The following DIRAS2 variants were observed in gnomAD, a reference collection of about 807,000 sequenced individuals.
The protein encoded by DIRAS2 is DIRAS family GTPase 2.
A neutral mutation model predicts 13.9 loss-of-function variants in DIRAS2; 5 were observed. The ratio of observed to expected loss-of-function variants is 0.36; its 90% confidence interval spans 0.19 to 0.76. The LOEUF (loss-of-function observed/expected upper bound fraction) is 0.76. DIRAS2 is among the 30% of genes least tolerant of loss of function. The pLI, the probability that DIRAS2 is intolerant of heterozygous loss-of-function variation, is 0.53. For missense variants in DIRAS2, 191 were observed against 263.0 expected (o/e 0.73, Z 1.89); for synonymous variants, 111 against 105.4 (o/e 1.05, Z -0.33).
Position 90,612,245 on chromosome 9 carries a change from C to T in DIRAS2, c.*983G>A, listed in dbSNP as rs1335916428. The stretch of plus-strand genomic sequence containing the variant: ...GTGTGGCATATACATGTTTGTGACA[C>T]TACAAAAATGGATGTGCTTCTGGTT... On this transcript the variant is annotated 3_prime_UTR_variant, in exon 2 of 2. Transcript: ENST00000375765. The T allele has an allele frequency of 6.6e-6, 1 of 152,584 alleles. No individual in the cohort carries two copies. Among genetic ancestry groups the T allele is most frequent in the Non-Finnish European group, 1.5e-5 (1 of 68,036 alleles). The allele number at this position is 152,584 out of a possible 1,614,324, so 9.5% of individuals were successfully genotyped here.
chr9:90,637,677 A>T (rs910137286), intron 1 of DIRAS2, among the ~76,000 whole-genome samples: 1 of 152,156 alleles, frequency 6.6e-6, no homozygotes, highest in African/African-American at 2.4e-5. Flanking sequence ...AGTGATTGGT[A>T]TTTGTATCTT....
intron 1 of DIRAS2, among the ~76,000 whole-genome samples, chr9:90,633,037 C>T (rs754714524): frequency 5.9e-5 from 9 of 151,620 alleles, no homozygotes; most frequent in African/African-American, 1.2e-4. Context: ...GGAGACAGCA[C>T]GGAGCCTTTC....
At chr9:90,632,303 C>T (rs1368640777) in intron 1 of DIRAS2, among the ~76,000 whole-genome samples, 2 of 152,218 alleles carry the variant, frequency 1.3e-5, no homozygotes, top group Non-Finnish European at 2.9e-5. Context: ...ATTCCAGCCA[C>T]ACTATATCCT....
At chr9:90,629,534 A>AC (rs1419145188) in intron 1 of DIRAS2, among the ~76,000 whole-genome samples, 12 of 152,036 alleles carry the variant, frequency 7.9e-5, no homozygotes, top group Admixed American at 2.0e-4. Context: ...TATAGAAAAA[A>AC]AAAAAACTGC....
chr9:90,630,608 A>G (rs497353), intron 1 of DIRAS2, among the ~76,000 whole-genome samples: 32,074 of 152,206 alleles, frequency 0.21, 3,845 homozygotes, highest in East Asian at 0.33. Flanking sequence ...TCTATCACAC[A>G]ATGGTTTGCT....
rs538982015 is a variant in DIRAS2 at position 90,628,083 on chromosome 9, C to CAAAACA, written c.-36-14226_-36-14221dup. On this transcript the variant is annotated intron_variant, in intron 1 of 1. Coordinates refer to ENST00000375765, the MANE Select transcript of DIRAS2 (RefSeq NM_017594.5). ...GTCTCATCTAATCCAACAAGATGAA[C>CAAAACA]AAAACAAAACTAATATCTTGAGAAG... is the stretch of plus-strand genomic sequence containing the variant. 6.9e-4 allele frequency among the ~76,000 whole-genome samples: 105 copies of CAAAACA among 151,668 alleles called. 2 individuals are homozygous for CAAAACA. The South Asian group carries it at 0.022, about 32-fold the overall frequency.
At chr9:90,618,283 G>GT (rs2118546682) in intron 1 of DIRAS2, among the ~76,000 whole-genome samples, 1 of 152,260 alleles carries the variant, frequency 6.6e-6, no homozygotes, top group East Asian at 1.9e-4. Context: ...ACAGTCAATT[G>GT]TTTTTTGACA....
chr9:90,624,235 A>G (rs543384729), intron 1 of DIRAS2, among the ~76,000 whole-genome samples: 42 of 152,368 alleles, frequency 2.8e-4, no homozygotes, highest in African/African-American at 9.1e-4. Flanking sequence ...GTACTTTTAT[A>G]TATTTTTAGA....
In DIRAS2 at chr9:90,611,126, T is replaced by C. The variant is rs1825108847; in HGVS notation, c.*2102A>G. ...ATACCCAAATTAAAACTTGATCATC[T>C]CTCTCTCAGAATAGAAACAGAAAAA... is the stretch of plus-strand genomic sequence containing the variant. On this transcript the variant is annotated 3_prime_UTR_variant, in exon 2 of 2. Coordinates refer to ENST00000375765, the MANE Select transcript of DIRAS2 (RefSeq NM_017594.5). 1.3e-5 allele frequency: 2 copies of C among 152,068 alleles called. No homozygotes were observed. Among genetic ancestry groups the C allele is most frequent in the Non-Finnish European group, 2.9e-5 (2 of 68,036 alleles). The allele number at this position is 152,068 out of a possible 1,614,324, so 9.4% of individuals were successfully genotyped here.
At chr9:90,630,508 A>G (rs766700278) in intron 1 of DIRAS2, among the ~76,000 whole-genome samples, 3 of 152,192 alleles carry the variant, frequency 2.0e-5, no homozygotes, top group Non-Finnish European at 4.4e-5. Flanking sequence ...TGGATATGTT[A>G]TTTTTCATTT....
At chr9:90,619,296 A>G (rs111408297) in intron 1 of DIRAS2, among the ~76,000 whole-genome samples, 9,687 of 151,990 alleles carry the variant, frequency 0.064, 356 homozygotes, top group Admixed American at 0.077. Context: ...AAAAAAAATT[A>G]GCCAGGTATG....
At chr9:90,619,648 A>T (rs186543237) in intron 1 of DIRAS2, among the ~76,000 whole-genome samples, 1 of 152,326 alleles carries the variant, frequency 6.6e-6, no homozygotes, top group African/African-American at 2.4e-5. Flanking sequence ...GCAGTTCCTC[A>T]AAAGGTTAAA....
chr9:90,619,302 G>A (rs1825197781), intron 1 of DIRAS2, among the ~76,000 whole-genome samples: 2 of 151,940 alleles, frequency 1.3e-5, no homozygotes, highest in Non-Finnish European at 2.9e-5. Context: ...AATTAGCCAG[G>A]TATGGTGGCA....
chr9:90,624,775 G>A (rs538091268), intron 1 of DIRAS2, among the ~76,000 whole-genome samples: 13 of 151,714 alleles, frequency 8.6e-5, no homozygotes, highest in Middle Eastern at 3.4e-3. Context: ...GCAATGGCGC[G>A]ATCTCAGCTC....
At chr9:90,627,917 G>T (rs1825287114) in intron 1 of DIRAS2, among the ~76,000 whole-genome samples, 1 of 152,074 alleles carries the variant, frequency 6.6e-6, no homozygotes. Context: ...TGCATGCCGG[G>T]CTTAACACCT....
intron 1 of DIRAS2, among the ~76,000 whole-genome samples, chr9:90,614,395 T>C (rs1825147518): frequency 6.6e-6 from 1 of 151,628 alleles, no homozygotes; most frequent in Admixed American, 6.6e-5. Context: ...GAAAAGGATG[T>C]TCTAATATTT....
At chr9:90,618,138 G>C (rs1825186083) in intron 1 of DIRAS2, among the ~76,000 whole-genome samples, 1 of 152,182 alleles carries the variant, frequency 6.6e-6, no homozygotes, top group Non-Finnish European at 1.5e-5. Flanking sequence ...AAGTGAAAAA[G>C]CTGGCAGACC....
At chr9:90,617,631 G>A (rs1825181599) in intron 1 of DIRAS2, among the ~76,000 whole-genome samples, 2 of 152,140 alleles carry the variant, frequency 1.3e-5, no homozygotes, top group African/African-American at 4.8e-5. Flanking sequence ...CTACATTCAA[G>A]AAGGACCATG....
At chr9:90,616,736 C>CAAAAAA (rs11422558) in intron 1 of DIRAS2, among the ~76,000 whole-genome samples, 3 of 88,444 alleles carry the variant, frequency 3.4e-5, no homozygotes, top group Admixed American at 1.5e-4. Context: ...GACTCCATCA[C>CAAAAAA]AAAAAAAAAA....
Sources: allele counts gnomAD v4.1 joint callset (sites outside exome capture counted in the v4.1 genomes callset), GRCh38; gene constraint gnomAD v4.1.1; transcripts MANE v1.5; gene names NCBI Gene and HGNC (gene_info 2026-07-23, HGNC 2026-07-21).